Variants in TMEM67 observed in about 807,000 individuals in gnomAD.
The protein encoded by TMEM67 is transmembrane protein 67, also known as meckelin.
Under a neutral mutation model 136.6 loss-of-function variants are expected in TMEM67, and 124 were observed. The observed-to-expected ratio is 0.91, with a 90% CI of 0.78 to 1.05. The LOEUF (loss-of-function observed/expected upper bound fraction) is 1.05. Among genes scored for constraint, TMEM67 ranks in the 50% least tolerant of loss-of-function variants. The pLI is 0.00. For missense variants in TMEM67, 1,107 were observed against 1,178.4 expected (o/e 0.94, Z 0.89); for synonymous variants, 364 against 390.5 (o/e 0.93, Z 0.80).
chr8:93,754,878 G>T (rs746327488), upstream of TMEM67: 27 of 1,590,982 alleles, frequency 1.7e-5, no homozygotes, highest in Non-Finnish European at 2.2e-5. Flanking sequence ...GAGGCTGATG[G>T]GGGGCTGGAG....
At chr8:93,812,603 T>C (rs1013031024) in intron 26 of TMEM67, among the ~76,000 whole-genome samples, 2 of 152,256 alleles carry the variant, frequency 1.3e-5, no homozygotes, top group African/African-American at 4.8e-5. Context: ...CTAGCGTTTC[T>C]GAACTTTAGT....
At chr8:93,762,959 C>G in intron 3 of TMEM67, 1 of 434,728 alleles carries the variant, frequency 2.3e-6, no homozygotes, top group South Asian at 1.6e-5. Context: ...GGGTCTCACT[C>G]TTGCCCAGGC....
At chr8:93,828,381 A>G in the TMEM67 span, among the ~76,000 whole-genome samples, 3 of 152,188 alleles carry the variant, frequency 2.0e-5, no homozygotes, top group South Asian at 2.1e-4. Context: ...AGTATTTACA[A>G]TGTGTCTTAA....
At position 93,785,817 on chromosome 8, in the gene TMEM67, T is replaced by C. The variant is rs1814070412; in HGVS notation, c.1289-406T>C. 4 of 233,558 alleles carry C rather than the reference T, an allele frequency of 1.7e-5. No individual in the cohort carries two copies. In the South Asian group the frequency reaches 2.6e-4, roughly 15 times the overall value. The allele number at this position is 233,558 out of a possible 1,614,324, so 14.5% of individuals were successfully genotyped here. ...TCCAAGGCACGGTGGCTCACGCCTA[T>C]AATCGCAGCACTTTGGGAGGCCAAG... On this transcript the variant is annotated intron_variant, in intron 12 of 27. Coordinates refer to ENST00000453321, the MANE Select transcript of TMEM67 (RefSeq NM_153704.6).
chr8:93,805,546 A>T (rs1197965031), intron 23 of TMEM67, among the ~76,000 whole-genome samples: 1 of 148,862 alleles, frequency 6.7e-6, no homozygotes, highest in Admixed American at 6.8e-5. Context: ...GCGCCACCGC[A>T]CTCCAGCTTG....
upstream of TMEM67, chr8:93,754,863 C>T (rs1350005303): frequency 1.3e-6 from 2 of 1,561,536 alleles, no homozygotes. Flanking sequence ...AGCGAAGCCG[C>T]CGCAGAGGCT....
intron 1 of TMEM67, 100 bp downstream of exon 1, chr8:93,755,237 C>T: frequency 8.4e-7 from 1 of 1,197,486 alleles, no homozygotes; most frequent in Non-Finnish European, 1.2e-6. Context: ...TCAGGCTAGT[C>T]TCGAACTTCT....
intron 3 of TMEM67, among the ~76,000 whole-genome samples, chr8:93,759,654 T>A (rs1395438837): frequency 7.4e-6 from 1 of 134,356 alleles, no homozygotes; most frequent in Non-Finnish European, 1.6e-5. Flanking sequence ...TTTATTTTTG[T>A]TTTTTTTTTT....
In TMEM67 at chr8:93,797,159, T is replaced by A. The variant is rs1213811614; in HGVS notation, c.1886T>A (p.Ile629Lys). Residue 629 changes from isoleucine to lysine, a missense_variant, in exon 19 of 28, where the codon ATA becomes AAA. Physicochemically the swap from Ile to Lys is moderately radical, Grantham distance 102. This residue lies in a region of TMEM67 where 925 missense variants were observed against 1,002.4 expected (regional missense o/e 0.92). Transcript: ENST00000453321. The part of the protein sequence containing the change: ...LKALQFLHKL[I>K]SQITIDVFFI... ...GCACTACAATTTTTGCATAAGCTCATATCCCAGATTACAATAGATGTATTC... is the reference window on the plus strand; with the variant it reads ...GCACTACAATTTTTGCATAAGCTCAAATCCCAGATTACAATAGATGTATTC... 1.2e-6 allele frequency: 2 copies of A among 1,611,656 alleles called. No individual in the cohort carries two copies. The highest frequency in any genetic ancestry group is 1.3e-5 in the African/African-American group (1 of 74,896).
At chr8:93,808,224 T>C (rs939487110) in intron 23 of TMEM67, among the ~76,000 whole-genome samples, 1 of 146,956 alleles carries the variant, frequency 6.8e-6, no homozygotes, top group East Asian at 2.0e-4. Flanking sequence ...CCTAAAAATA[T>C]ATATATGCTC....
rs772604672 is a variant in TMEM67 at position 93,786,374 on chromosome 8, A to C, written c.1412+28A>C. On this transcript the variant is annotated intron_variant, in intron 13 of 27. Transcript: ENST00000453321. ...AAACAAATGTCTAATGATATTATTT[A>C]TGGGAAAATATCATAATGGAAGTGT... 8 of 1,606,934 alleles carry C rather than the reference A, an allele frequency of 5.0e-6. No individual in the cohort carries two copies. The East Asian group carries it at 1.8e-4, about 36-fold the overall frequency.
chr8:93,829,137 A>G, the TMEM67 span, among the ~76,000 whole-genome samples: 1 of 152,124 alleles, frequency 6.6e-6, no homozygotes, highest in African/African-American at 2.4e-5. Context: ...CCACTCTGTT[A>G]TCATCATTGC....
chr8:93,825,352 G>C, the TMEM67 span, among the ~76,000 whole-genome samples: 1 of 152,170 alleles, frequency 6.6e-6, no homozygotes, highest in African/African-American at 2.4e-5. Flanking sequence ...ACAACACTGG[G>C]ATGACATTGT....
At chr8:93,777,776 T>C (rs970153249) in intron 7 of TMEM67, among the ~76,000 whole-genome samples, 1 of 152,216 alleles carries the variant, frequency 6.6e-6, no homozygotes, top group Non-Finnish European at 1.5e-5. Context: ...TTTCCAAGTA[T>C]GTGGTCAATT....
intron 7 of TMEM67, among the ~76,000 whole-genome samples, chr8:93,774,025 AT>A (rs1203721605): frequency 0.015 from 2,191 of 147,676 alleles, 58 homozygotes; most frequent in African/African-American, 0.048. Context: ...GTTAAAAAAA[AT>A]TTTTTTTTTT....
intron 7 of TMEM67, among the ~76,000 whole-genome samples, chr8:93,776,622 G>T (rs1813553997): frequency 6.6e-6 from 1 of 152,184 alleles, no homozygotes; most frequent in South Asian, 2.1e-4. Flanking sequence ...TGTGGTTTTT[G>T]TCATTGGTTC....
At position 93,787,860 on chromosome 8, in the gene TMEM67, A is replaced by G; in HGVS notation, c.1429A>G (p.Asn477Asp). Residue 477 changes from asparagine (N) to aspartate (D), a missense_variant, in exon 14 of 28, where the codon AAC (asparagine) becomes GAC (aspartate). Around this residue, in one of 3 missense-constraint regions of TMEM67, gnomAD observed 925 missense variants for 1,002.4 expected, o/e 0.92. Transcript: ENST00000453321. The stretch of plus-strand genomic sequence containing the variant: ...TTTAAATAGTGTCCACCTTGTACCC[A>G]ACACAATAAATGGAAACATCTACCC... ...QISLSVHLVP[N>D]TINGNIYPPL... 1 of 1,613,756 alleles carries G rather than the reference A, an allele frequency of 6.2e-7. No individual in the cohort carries two copies. The highest frequency in any genetic ancestry group is 1.1e-5 in the South Asian group (1 of 91,078).
At position 93,763,570 on chromosome 8, in the gene TMEM67, C is replaced by T. The variant is rs73694922; in HGVS notation, c.407-272C>T. ...GAAAAAAATACTGACTTAATTGTTA[C>T]GATGACTTGGAAAATGATTTTCTAT... On this transcript the variant is annotated intron_variant, in intron 3 of 27. Transcript: ENST00000453321. Among the ~76,000 whole-genome samples, 2,788 of 152,032 alleles carry T rather than the reference C, an allele frequency of 0.018. 87 individuals carry two copies. Among genetic ancestry groups the T allele is most frequent in the African/African-American group, 0.061 (2,548 of 41,478 alleles).
intron 4 of TMEM67, among the ~76,000 whole-genome samples, chr8:93,764,239 T>C (rs1389091578): frequency 2.0e-5 from 3 of 152,136 alleles, no homozygotes; most frequent in Non-Finnish European, 4.4e-5. Context: ...TCAGAAATAA[T>C]AAGTAATAAA....
Sources: gnomAD v4.1 joint callset for allele counts (sites outside exome capture counted in the v4.1 genomes callset) on GRCh38, gnomAD v4.1.1 for gene constraint, gnomAD v4.1.1 regional missense constraint, MANE v1.5 for transcripts, NCBI Gene and HGNC (gene_info 2026-07-23, HGNC 2026-07-21) for gene names.